The following HCN1 variants were observed in gnomAD, a reference collection of about 807,000 sequenced individuals.
The protein encoded by HCN1 is hyperpolarization activated cyclic nucleotide gated potassium channel 1, also known as potassium/sodium hyperpolarization-activated cyclic nucleotide-gated channel 1.
In HCN1, 13 loss-of-function variants were observed where a neutral mutation model predicts 78.9. That is an observed-to-expected ratio of 0.16 (90% confidence interval 0.11 to 0.26). HCN1 has a LOEUF of 0.26. Ranked by LOEUF, HCN1 falls within the 10% of genes least tolerant of loss-of-function variation. HCN1 has a pLI of 1.00. For missense variants in HCN1, 810 were observed against 1,154.3 expected (o/e 0.70, Z 4.32); for synonymous variants, 552 against 455.5 (o/e 1.21, Z -2.70).
At position 45,489,638 on chromosome 5, in the gene HCN1, C is replaced by T. The variant is rs558315692; in HGVS notation, c.850-27631G>A. On this transcript the variant is annotated intron_variant, in intron 2 of 7. Transcript: ENST00000303230. ...AGCCAGATCCTTAGGCAACCAGCTT[C>T]AGTTTCTCCAGTAAAGGCACCAAAG... Among the ~76,000 whole-genome samples the T allele has an allele frequency of 1.2e-3, 189 of 152,218 alleles. 1 individual carries two copies. The highest frequency in any genetic ancestry group is 4.4e-3 in the African/African-American group (184 of 41,560).
intron 2 of HCN1, among the ~76,000 whole-genome samples, chr5:45,462,827 A>G (rs1180862872): frequency 6.6e-6 from 1 of 152,012 alleles, no homozygotes; most frequent in Non-Finnish European, 1.5e-5. Context: ...ATTTTTCTAG[A>G]ATTTACAAGA....
intron 4 of HCN1, among the ~76,000 whole-genome samples, chr5:45,394,128 C>T (rs1180426471): frequency 6.6e-6 from 1 of 152,110 alleles, no homozygotes; most frequent in Non-Finnish European, 1.5e-5. Context: ...GAAATAAGCT[C>T]ATGTGGTTGG....
chr5:45,594,978 G>A (rs1272136567), intron 2 of HCN1, among the ~76,000 whole-genome samples: 2 of 152,184 alleles, frequency 1.3e-5, no homozygotes, highest in South Asian at 4.1e-4. Flanking sequence ...CAGGGCAGAT[G>A]TGGTGGTGAA....
intron 3 of HCN1, among the ~76,000 whole-genome samples, chr5:45,436,745 G>A (rs1029731523): frequency 8.5e-5 from 13 of 152,114 alleles, no homozygotes; most frequent in Admixed American, 3.9e-4. Flanking sequence ...GACCACACCC[G>A]TACTTTGGGC....
intron 5 of HCN1, among the ~76,000 whole-genome samples, chr5:45,309,083 T>C (rs545947768): frequency 3.9e-5 from 6 of 152,222 alleles, no homozygotes; most frequent in Admixed American, 1.3e-4. Context: ...TCCTTCACTT[T>C]TCTTGTCAGC....
intron 1 of HCN1, among the ~76,000 whole-genome samples, chr5:45,682,267 A>C (rs1739717307): frequency 8.6e-6 from 1 of 116,266 alleles, no homozygotes; most frequent in African/African-American, 3.7e-5. Context: ...ATATATATAT[A>C]TATACATATA....
At chr5:45,348,508 A>G (rs566357663) in intron 5 of HCN1, among the ~76,000 whole-genome samples, 1 of 152,332 alleles carries the variant, frequency 6.6e-6, no homozygotes, top group South Asian at 2.1e-4. Flanking sequence ...TCAAATTCAC[A>G]CATAACGATA....
At chr5:45,522,225 G>A (rs1208089690) in intron 2 of HCN1, among the ~76,000 whole-genome samples, 5 of 151,750 alleles carry the variant, frequency 3.3e-5, no homozygotes, top group African/African-American at 9.7e-5. Context: ...AATTACTTTT[G>A]CTGTTATTAC....
At chr5:45,302,330 C>T (rs992673593) in intron 6 of HCN1, among the ~76,000 whole-genome samples, 6 of 152,060 alleles carry the variant, frequency 3.9e-5, no homozygotes, top group Non-Finnish European at 7.4e-5. Context: ...TTGCTTGTCT[C>T]TCCTTCACCT....
intron 2 of HCN1, among the ~76,000 whole-genome samples, chr5:45,569,056 A>G (rs1051534063): frequency 6.6e-6 from 1 of 152,066 alleles, no homozygotes; most frequent in Non-Finnish European, 1.5e-5. Flanking sequence ...GTCCTGCCCT[A>G]CACCCAGAGG....
intron 2 of HCN1, among the ~76,000 whole-genome samples, chr5:45,555,554 A>G (rs1422766777): frequency 6.6e-6 from 1 of 151,956 alleles, no homozygotes; most frequent in Non-Finnish European, 1.5e-5. Flanking sequence ...TAAAATTTAT[A>G]TGAAGGCACA....
chr5:45,313,456 G>C (rs1745904255), intron 5 of HCN1, among the ~76,000 whole-genome samples: 1 of 152,160 alleles, frequency 6.6e-6, no homozygotes, highest in Non-Finnish European at 1.5e-5. Context: ...AAAAATCAGA[G>C]CACCTCTCCT....
intron 6 of HCN1, among the ~76,000 whole-genome samples, chr5:45,302,439 TACA>T (rs1249044480): frequency 1.3e-5 from 2 of 152,068 alleles, no homozygotes; most frequent in African/African-American, 4.8e-5. Flanking sequence ...CTCAGGTATT[TACA>T]GTAGTGTGAA....
At chr5:45,553,233 G>A (rs530000437) in intron 2 of HCN1, among the ~76,000 whole-genome samples, 2 of 151,814 alleles carry the variant, frequency 1.3e-5, no homozygotes, top group African/African-American at 4.8e-5. Flanking sequence ...GTTGTCACAG[G>A]CTGTCACATA....
chr5:45,438,411 T>G (rs1224240620), intron 3 of HCN1, among the ~76,000 whole-genome samples: 1 of 151,764 alleles, frequency 6.6e-6, no homozygotes, highest in Non-Finnish European at 1.5e-5. Flanking sequence ...GCTAATACGG[T>G]GAAACCCCGT....
In HCN1 at chr5:45,583,317, G is replaced by T. The variant is rs534334112; in HGVS notation, c.849+61868C>A. 9.9e-5 allele frequency among the ~76,000 whole-genome samples: 15 copies of T among 152,276 alleles called. No individual in the cohort carries two copies. The East Asian group carries it at 2.5e-3, about 25-fold the overall frequency. The stretch of plus-strand genomic sequence containing the variant: ...GATTTTCTAGTTTATTTGCATAGAG[G>T]TGTTTATAGTATTCTCTGATGGTAG... On this transcript the variant is annotated intron_variant, in intron 2 of 7. Transcript: ENST00000303230.
intron 2 of HCN1, among the ~76,000 whole-genome samples, chr5:45,503,198 G>C (rs1249701207): frequency 6.6e-6 from 1 of 152,118 alleles, no homozygotes; most frequent in African/African-American, 2.4e-5. Context: ...ATCACAGATA[G>C]GGCAACATTC....
At chr5:45,437,507 T>C (rs1439534234) in intron 3 of HCN1, among the ~76,000 whole-genome samples, 1 of 152,220 alleles carries the variant, frequency 6.6e-6, no homozygotes, top group Admixed American at 6.5e-5. Flanking sequence ...AGAATACCTT[T>C]TTCTAGTCTC....
intron 1 of HCN1, among the ~76,000 whole-genome samples, chr5:45,658,914 C>T (rs1241084412): frequency 1.4e-5 from 2 of 145,604 alleles, no homozygotes; most frequent in Non-Finnish European, 3.1e-5. Flanking sequence ...CTTAGGTAAA[C>T]AAAGCAGCCG....
Sources: gnomAD v4.1 joint callset for allele counts (sites outside exome capture counted in the v4.1 genomes callset) on GRCh38, gnomAD v4.1.1 for gene constraint, MANE v1.5 for transcripts, NCBI Gene and HGNC (gene_info 2026-07-23, HGNC 2026-07-21) for gene names.